Variants in CRB1 observed in about 807,000 individuals in gnomAD.
CRB1 encodes crumbs cell polarity complex component 1.
CRB1 carries 83 observed loss-of-function variants against 120.0 expected under a neutral mutation model. The observed-to-expected ratio is 0.69, with a 90% CI of 0.58 to 0.83. The LOEUF (loss-of-function observed/expected upper bound fraction) is 0.83. CRB1 is among the 40% of genes least tolerant of loss of function. CRB1 has a pLI of 0.00. For synonymous variants in CRB1, 625 were observed against 612.5 expected (o/e 1.02, Z -0.30); for missense variants, 1,699 against 1,687.6 (o/e 1.01, Z -0.12).
chr1:197,285,438 A>G (rs1008312660), intron 1 of CRB1, among the ~76,000 whole-genome samples: 1 of 151,842 alleles, frequency 6.6e-6, no homozygotes, highest in Admixed American at 6.6e-5. Context: ...GACTAGTTAG[A>G]AGAATGTCAA....
At chr1:197,294,825 A>C (rs921370461) in intron 1 of CRB1, among the ~76,000 whole-genome samples, 1 of 152,126 alleles carries the variant, frequency 6.6e-6, no homozygotes, top group Non-Finnish European at 1.5e-5. Flanking sequence ...CAAACACCGC[A>C]TGTTCTCACT....
chr1:197,354,239 T>G (rs1388619867), intron 4 of CRB1, among the ~76,000 whole-genome samples: 1 of 152,174 alleles, frequency 6.6e-6, no homozygotes, highest in Admixed American at 6.5e-5. Context: ...CAGCTTTTAT[T>G]AAAATTAAAA....
intron 5 of CRB1, among the ~76,000 whole-genome samples, chr1:197,420,076 T>A (rs773292614): frequency 1.3e-5 from 2 of 151,150 alleles, no homozygotes; most frequent in Non-Finnish European, 2.9e-5. Context: ...TTTCTACACC[T>A]CAATTTACTC....
chr1:197,460,347 G>T (rs995752089), intron 11 of CRB1, among the ~76,000 whole-genome samples: 2 of 151,988 alleles, frequency 1.3e-5, no homozygotes, highest in Non-Finnish European at 2.9e-5. Context: ...ACTGAGCAGT[G>T]GTTGGTTTGA....
At chr1:197,368,918 G>T (rs1661221201) in intron 5 of CRB1, among the ~76,000 whole-genome samples, 1 of 152,174 alleles carries the variant, frequency 6.6e-6, no homozygotes, top group South Asian at 2.1e-4. Context: ...TCATACCAGA[G>T]TTCTATTTTG....
At chr1:197,252,509 A>T in the CRB1 span, among the ~76,000 whole-genome samples, 1 of 127,350 alleles carries the variant, frequency 7.9e-6, no homozygotes, top group African/African-American at 2.9e-5. Context: ...TATATCAGTC[A>T]GGGCTCTACA....
chr1:197,247,376 G>A, the CRB1 span, among the ~76,000 whole-genome samples: 1 of 152,086 alleles, frequency 6.6e-6, no homozygotes, highest in East Asian at 1.9e-4. Context: ...TTGTAATGTT[G>A]ACCATAAGAG....
the CRB1 span, among the ~76,000 whole-genome samples, chr1:197,253,773 G>C: frequency 6.6e-6 from 1 of 151,874 alleles, no homozygotes; most frequent in South Asian, 2.1e-4. Context: ...TTTTCTTAAT[G>C]GGTTTGAATT....
At chr1:197,203,696 G>A in the CRB1 span, among the ~76,000 whole-genome samples, 3 of 152,070 alleles carry the variant, frequency 2.0e-5, no homozygotes, top group Non-Finnish European at 4.4e-5. Context: ...TATAAGTTTT[G>A]GAAAGGAAGA....
At chr1:197,382,524 A>G (rs964530775) in intron 5 of CRB1, among the ~76,000 whole-genome samples, 1 of 152,212 alleles carries the variant, frequency 6.6e-6, no homozygotes, top group African/African-American at 2.4e-5. Flanking sequence ...CAGAAAATAT[A>G]CTATAATAAT....
rs759124926 is a variant in CRB1 at position 197,429,534 on chromosome 1, C to G, written c.2762C>G (p.Ala921Gly). Residue 921 changes from alanine (A) to glycine (G), a missense_variant, in exon 8 of 12, where the codon GCC (alanine) becomes GGC (glycine). Ala to Gly is a moderately conservative substitution (Grantham distance 60). Coordinates refer to ENST00000367400, the MANE Select transcript of CRB1 (RefSeq NM_201253.3). Reference sequence around the variant, plus strand: ...TGTCCTGCCCTCACAAGTGGGAAAGCCTGTGAGGAGGTTCAGTGGTGTGGA... The same window carrying G: ...TGTCCTGCCCTCACAAGTGGGAAAGGCTGTGAGGAGGTTCAGTGGTGTGGA... ...CSCPALTSGK[A>G]CEEVQWCGFS... 2 of 1,613,926 alleles carry G rather than the reference C, an allele frequency of 1.2e-6. No individual in the cohort carries two copies. Among genetic ancestry groups the G allele is most frequent in the Non-Finnish European group, 1.7e-6 (2 of 1,179,916 alleles).
intron 7 of CRB1, chr1:197,428,961 G>A: frequency 1.3e-6 from 2 of 1,531,406 alleles, no homozygotes; most frequent in Non-Finnish European, 1.7e-6. Flanking sequence ...ATAATACTAT[G>A]TCTCTGATTC....
intron 5 of CRB1, among the ~76,000 whole-genome samples, chr1:197,365,081 A>T (rs1269460659): frequency 6.6e-6 from 1 of 152,210 alleles, no homozygotes; most frequent in African/African-American, 2.4e-5. Context: ...CTGTGGGTCC[A>T]ATGATCAGTT....
chr1:197,235,122 A>G, the CRB1 span, among the ~76,000 whole-genome samples: 1 of 152,306 alleles, frequency 6.6e-6, no homozygotes. Flanking sequence ...AGGCAAATAT[A>G]TGGGAACCAA....
At chr1:197,339,364 T>A (rs970028431) in intron 2 of CRB1, among the ~76,000 whole-genome samples, 5 of 152,354 alleles carry the variant, frequency 3.3e-5, no homozygotes, top group Admixed American at 1.3e-4. Flanking sequence ...ATTGCTCTGA[T>A]ACTTGTGTCA....
chr1:197,285,376 C>A (rs1045853943), intron 1 of CRB1, among the ~76,000 whole-genome samples: 3 of 151,470 alleles, frequency 2.0e-5, no homozygotes, highest in African/African-American at 4.8e-5. Flanking sequence ...AAGGCCTTGC[C>A]CTTTAGAGAA....
At chr1:197,384,944 T>C (rs1246448339) in intron 5 of CRB1, among the ~76,000 whole-genome samples, 1 of 152,128 alleles carries the variant, frequency 6.6e-6, no homozygotes, top group African/African-American at 2.4e-5. Flanking sequence ...TCATTAAAGG[T>C]AGAGAGACTT....
intron 1 of CRB1, among the ~76,000 whole-genome samples, chr1:197,303,334 C>T (rs1317198515): frequency 7.4e-6 from 1 of 135,040 alleles, no homozygotes; most frequent in Non-Finnish European, 1.5e-5. Flanking sequence ...TTCCTGTGTC[C>T]ATGTGTTCTC....
At chr1:197,430,038 T>A (rs1315755057) in intron 8 of CRB1, among the ~76,000 whole-genome samples, 1 of 152,180 alleles carries the variant, frequency 6.6e-6, no homozygotes, top group Non-Finnish European at 1.5e-5. Context: ...ACTTTCTACT[T>A]CTTCGGTTTC....
Sources: gnomAD v4.1 joint callset for allele counts (sites outside exome capture counted in the v4.1 genomes callset) on GRCh38, gnomAD v4.1.1 for gene constraint, MANE v1.5 for transcripts, NCBI Gene and HGNC (gene_info 2026-07-23, HGNC 2026-07-21) for gene names.